Variants in NUP88 observed in about 807,000 individuals in gnomAD.
The protein encoded by NUP88 is nucleoporin 88.
Under a neutral mutation model 93.9 loss-of-function variants are expected in NUP88, and 57 were observed. The ratio of observed to expected loss-of-function variants is 0.61; its 90% CI spans 0.49 to 0.76. NUP88 has a LOEUF of 0.76. Ranked by LOEUF, NUP88 falls within the 30% of genes least tolerant of loss-of-function variation. The pLI, the probability that NUP88 is intolerant of heterozygous loss-of-function variation, is 0.00. For synonymous variants in NUP88, 346 were observed against 336.8 expected (o/e 1.03, Z -0.30); for missense variants, 911 against 901.0 (o/e 1.01, Z -0.14).
rs973664151 is a variant in NUP88 at position 5,387,544 on chromosome 17, G to C, written c.1835+61C>G. 3.1e-5 allele frequency: 49 copies of C among 1,593,376 alleles called. No individual in the cohort carries two copies. The African/African-American group carries it at 5.8e-4, about 19-fold the overall frequency. Reference sequence around the variant, plus strand: ...CCACCTAATGTGGCTCAGCATCTTAGGGTGAGAATATGGTTCCAGTCTTAC... The same window carrying C: ...CCACCTAATGTGGCTCAGCATCTTACGGTGAGAATATGGTTCCAGTCTTAC... On this transcript the variant is annotated intron_variant, in intron 13 of 16. Coordinates refer to ENST00000573584, the MANE Select transcript of NUP88 (RefSeq NM_002532.6).
intron 9 of NUP88, 105 bp from the exon 10 acceptor site, chr17:5,391,767 C>A: frequency 1.2e-6 from 1 of 836,794 alleles, no homozygotes. Context: ...GCTGAAGTTG[C>A]TTGGGACATC....
chr17:5,401,452 T>G (rs780035173), intron 7 of NUP88, among the ~76,000 whole-genome samples: 1 of 152,178 alleles, frequency 6.6e-6, no homozygotes, highest in South Asian at 2.1e-4. Flanking sequence ...ATATTAAAGC[T>G]GATAAAATGG....
intron 5 of NUP88, 98 bp from the exon 6 acceptor site, chr17:5,405,341 C>A (rs960731558): frequency 8.3e-6 from 8 of 958,286 alleles, no homozygotes; most frequent in African/African-American, 8.2e-5. Flanking sequence ...AGCTATCATA[C>A]CTTCATTATA....
chr17:5,400,738 T>C (rs987585724), intron 7 of NUP88, among the ~76,000 whole-genome samples: 1 of 152,200 alleles, frequency 6.6e-6, no homozygotes, highest in African/African-American at 2.4e-5. Context: ...TACAGCATAG[T>C]TATCACAAAA....
intron 5 of NUP88, among the ~76,000 whole-genome samples, chr17:5,406,125 AT>A (rs1913474045): frequency 6.6e-6 from 1 of 152,214 alleles, no homozygotes; most frequent in Non-Finnish European, 1.5e-5. Flanking sequence ...CAGAATTACT[AT>A]ACCATGTGAT....
Position 5,387,897 on chromosome 17 carries a change from CAGA to C in NUP88, c.1648_1650del (p.Ser550del). The C allele has an allele frequency of 6.2e-7, 1 of 1,612,688 alleles. No homozygotes were observed. The highest frequency in any genetic ancestry group is 1.1e-5 in the South Asian group (1 of 90,750). On this transcript the variant is annotated inframe_deletion, in exon 12 of 17. Coordinates refer to ENST00000573584, the MANE Select transcript of NUP88 (RefSeq NM_002532.6). ...TCAGGAGGAGGGGCTATGTCCTTTTCAGAAGCTCTTAAAAACAAAGTTTCTACC... is the reference window on the plus strand; with the variant it reads ...TCAGGAGGAGGGGCTATGTCCTTTTCAGCTCTTAAAAACAAAGTTTCTACC...
intron 5 of NUP88, among the ~76,000 whole-genome samples, chr17:5,406,060 T>A (rs115587174): frequency 1.3e-5 from 2 of 152,298 alleles, no homozygotes; most frequent in African/African-American, 4.8e-5. Context: ...TATTATTGAG[T>A]GCTAGATGAT....
At chr17:5,406,094 T>C (rs1483758531) in intron 5 of NUP88, among the ~76,000 whole-genome samples, 2 of 152,230 alleles carry the variant, frequency 1.3e-5, no homozygotes, top group African/African-American at 4.8e-5. Flanking sequence ...GATGGTTTAG[T>C]TGATGAGGCA....
intron 4 of NUP88, among the ~76,000 whole-genome samples, chr17:5,410,497 G>C (rs1052624935): frequency 1.3e-5 from 2 of 151,952 alleles, no homozygotes; most frequent in African/African-American, 4.8e-5. Context: ...TGGGGAGGCT[G>C]AGACGAGCAG....
At chr17:5,401,838 A>G (rs1440611615) in intron 7 of NUP88, among the ~76,000 whole-genome samples, 1 of 152,234 alleles carries the variant, frequency 6.6e-6, no homozygotes, top group African/African-American at 2.4e-5. Flanking sequence ...TGATTACTAA[A>G]AAGAGCCAAC....
intron 5 of NUP88, among the ~76,000 whole-genome samples, chr17:5,407,616 ATTC>A (rs376491885): frequency 4.6e-5 from 7 of 152,092 alleles, no homozygotes; most frequent in African/African-American, 1.4e-4. Flanking sequence ...CTCTATTTTA[ATTC>A]TTCTTGTCTG....
At chr17:5,414,580 C>A (rs1003125611) in intron 2 of NUP88, among the ~76,000 whole-genome samples, 2 of 152,172 alleles carry the variant, frequency 1.3e-5, no homozygotes, top group African/African-American at 4.8e-5. Context: ...ACATTCAAGG[C>A]ATCTATTCAA....
chr17:5,407,567 C>T (rs1913571065), intron 5 of NUP88, among the ~76,000 whole-genome samples: 1 of 152,216 alleles, frequency 6.6e-6, no homozygotes, highest in Non-Finnish European at 1.5e-5. Flanking sequence ...AATTCTTATC[C>T]TGTATAGACT....
intron 10 of NUP88, 144 bp downstream of exon 10, chr17:5,391,417 A>G (rs1181446121): frequency 3.2e-6 from 2 of 631,476 alleles, no homozygotes; most frequent in Non-Finnish European, 5.6e-6. Context: ...AGGAACAGAA[A>G]TATCCATCCT....
chr17:5,396,445 A>G (rs889569043), intron 8 of NUP88, among the ~76,000 whole-genome samples: 11 of 152,188 alleles, frequency 7.2e-5, no homozygotes, highest in African/African-American at 2.7e-4. Flanking sequence ...GTTCATCCAT[A>G]TTGGAGCATG....
chr17:5,391,400 T>C, intron 10 of NUP88, 161 bp downstream of exon 10: 1 of 604,508 alleles, frequency 1.7e-6, no homozygotes, highest in South Asian at 2.0e-5. Context: ...CTTATAGAGA[T>C]GATGGCAGGA....
In NUP88 at chr17:5,386,177, G is replaced by T. The variant is rs377606329; in HGVS notation, c.*29C>A. The T allele has an allele frequency of 6.4e-7, 1 of 1,573,862 alleles. No homozygotes were observed. Among genetic ancestry groups the T allele is most frequent in the South Asian group, 1.1e-5 (1 of 88,714 alleles). Reference sequence around the variant, plus strand: ...GGGTTTAAGCCTTCAATGGTGTTCAGTTCAGGTGTGAGTCAGCTCCTGGTG... The same window carrying T: ...GGGTTTAAGCCTTCAATGGTGTTCATTTCAGGTGTGAGTCAGCTCCTGGTG... On this transcript the variant is annotated 3_prime_UTR_variant, in exon 17 of 17. Coordinates refer to ENST00000573584, the MANE Select transcript of NUP88 (RefSeq NM_002532.6).
At chr17:5,403,684 A>ACAAAG (rs1913307848) in intron 7 of NUP88, among the ~76,000 whole-genome samples, 1 of 151,938 alleles carries the variant, frequency 6.6e-6, no homozygotes, top group African/African-American at 2.4e-5. Context: ...CAACAACAAA[A>ACAAAG]TCCATTTGGT....
At chr17:5,412,430 T>C (rs1304191326) in intron 3 of NUP88, among the ~76,000 whole-genome samples, 5 of 152,150 alleles carry the variant, frequency 3.3e-5, no homozygotes, top group Non-Finnish European at 5.9e-5. Flanking sequence ...GTCTCAGTTA[T>C]AAGATCGAAA....
Sources: allele counts gnomAD v4.1 joint callset (sites outside exome capture counted in the v4.1 genomes callset), GRCh38; gene constraint gnomAD v4.1.1; transcripts MANE v1.5; gene names NCBI Gene and HGNC (gene_info 2026-07-23, HGNC 2026-07-21).